The following SYTL4 variants were observed in gnomAD, a reference collection of about 807,000 sequenced individuals.
SYTL4 encodes the protein synaptotagmin like 4.
Under a neutral mutation model 52.7 loss-of-function variants are expected in SYTL4, and 16 were observed. The observed-to-expected ratio is 0.30, with a 90% CI of 0.21 to 0.46. The LOEUF (loss-of-function observed/expected upper bound fraction) is 0.46. SYTL4 is among the 20% of genes least tolerant of loss of function. The pLI is 1.00. For synonymous variants in SYTL4, 160 were observed against 186.6 expected (o/e 0.86, Z 1.16); for missense variants, 423 against 519.9 (o/e 0.81, Z 1.81).
intron 8 of SYTL4, among the ~76,000 whole-genome samples, chrX:100,699,655 ATTTTTT>A (rs917491538): frequency 7.0e-5 from 5 of 71,738 alleles, no homozygotes; most frequent in African/African-American, 1.1e-4. Flanking sequence ...CACCTGGCTA[ATTTTTT>A]TTTTTTTTTT....
In SYTL4 at chrX:100,717,528, G is replaced by A. The variant is rs186298678; in HGVS notation, c.-239-12642C>T. ...ATGCTGGTTGGTTTAAATTGTAAGG[G>A]AGAATGCGGAAGAGGCAGGTGGGGA... is the stretch of plus-strand genomic sequence containing the variant. On this transcript the variant is annotated intron_variant, in intron 2 of 19. Transcript: ENST00000372989. Among the ~76,000 whole-genome samples, 4 of 113,309 alleles carry A rather than the reference G, an allele frequency of 3.5e-5. No homozygotes were observed. In the East Asian group the frequency reaches 1.1e-3, roughly 31 times the overall value.
intron 2 of SYTL4, among the ~76,000 whole-genome samples, chrX:100,722,090 C>T (rs1022679368): frequency 1.8e-5 from 2 of 111,763 alleles, no homozygotes; most frequent in Non-Finnish European, 3.8e-5. Flanking sequence ...GTGTGAGCCA[C>T]CGCACCCAGC....
rs1795243211 is a variant in SYTL4 at position 100,690,184 on chromosome X, A to G, written c.718-19T>C. 1 of 1,125,668 alleles carries G rather than the reference A, an allele frequency of 8.9e-7. No homozygotes were observed. The highest frequency in any genetic ancestry group is 1.2e-6 in the Non-Finnish European group (1 of 818,155). 92.8% of individuals were successfully genotyped at this position (1,125,668 alleles called of 1,213,427 possible). A position where few individuals can be genotyped will look rare whatever the true frequency, so the allele number is the denominator to read the frequency against. On this transcript the variant is annotated intron_variant, in intron 10 of 19. Coordinates refer to ENST00000372989, the MANE Select transcript of SYTL4 (RefSeq NM_001370165.1). ...GAGTTTCCTAGGAAGGAACAAGGGC[A>G]AGAAAATGGAAAAGAACAGATGGAT...
intron 2 of SYTL4, among the ~76,000 whole-genome samples, chrX:100,728,994 G>A (rs1378949224): frequency 2.8e-5 from 3 of 108,558 alleles, no homozygotes; most frequent in Non-Finnish European, 3.8e-5. Flanking sequence ...CCAAGATCGC[G>A]CCACTGTACT....
At chrX:100,724,391 C>T (rs772648432) in intron 2 of SYTL4, among the ~76,000 whole-genome samples, 1 of 103,791 alleles carries the variant, frequency 9.6e-6, no homozygotes, top group Non-Finnish European at 2.0e-5. Flanking sequence ...TCATTGAGAA[C>T]GGGCCATGAT....
At chrX:100,694,521 C>T (rs1028817903) in intron 8 of SYTL4, among the ~76,000 whole-genome samples, 2 of 111,941 alleles carry the variant, frequency 1.8e-5, no homozygotes, top group Non-Finnish European at 3.8e-5. Context: ...CTTGCCCTGG[C>T]TATCCTAAAC....
intron 2 of SYTL4, among the ~76,000 whole-genome samples, chrX:100,723,843 C>T (rs1299382053): frequency 4.1e-4 from 45 of 109,745 alleles, no homozygotes; most frequent in African/African-American, 1.4e-3. Context: ...AGCGTCTCCG[C>T]CTGGCAGCCA....
At chrX:100,688,247 G>C (rs5921627) in intron 13 of SYTL4, 104 bp downstream of exon 13, 201,852 of 606,582 alleles carry the variant, frequency 0.33, 24,698 homozygotes, top group East Asian at 0.54. Flanking sequence ...CCTGAAAAGA[G>C]TGACTAGGAT....
In SYTL4 at chrX:100,679,314, C is replaced by T. The variant is rs752113372; in HGVS notation, c.1657G>A (p.Gly553Arg). 1.7e-6 allele frequency: 2 copies of T among 1,202,673 alleles called. No individual in the cohort carries two copies. The highest frequency in any genetic ancestry group is 2.2e-5 in the Admixed American group (1 of 45,703). Residue 553 changes from glycine (G) to arginine (R), a missense_variant and splice_region_variant, in exon 18 of 20, where the codon GGA (glycine) becomes AGA (arginine). Coordinates refer to ENST00000372989, the MANE Select transcript of SYTL4 (RefSeq NM_001370165.1). ...AGGTSDSFVK[G>R]YLLPMRNKAS... The stretch of plus-strand genomic sequence containing the variant: ...TTTGGGGCTGGTCTAGGGACTCACC[C>T]CTTGACAAAGCTGTCTGAAGTCCCT...
At position 100,674,996 on chromosome X, in the gene SYTL4, C is replaced by T. The variant is rs2083254269; in HGVS notation, c.*1032G>A. ...ACATTCCCTTAGAGCCCTTAACAGT[C>T]CCCAGCCTGGAGAAACACTGGGCCA... On this transcript the variant is annotated 3_prime_UTR_variant, in exon 20 of 20. Coordinates refer to ENST00000372989, the MANE Select transcript of SYTL4 (RefSeq NM_001370165.1). 1 of 112,017 alleles carries T rather than the reference C, an allele frequency of 8.9e-6. No homozygotes were observed. Among genetic ancestry groups the T allele is most frequent in the Non-Finnish European group, 1.9e-5 (1 of 53,263 alleles). 9.2% of individuals were successfully genotyped at this position (112,017 alleles called of 1,213,427 possible). A position where few individuals can be genotyped will look rare whatever the true frequency, so the allele number is the denominator to read the frequency against.
At chrX:100,689,804 C>A (rs1158246512) in intron 12 of SYTL4, 52 bp downstream of exon 12, 2 of 875,650 alleles carry the variant, frequency 2.3e-6, no homozygotes, top group East Asian at 3.1e-5. Context: ...AAAGCCAACT[C>A]CAGATAAGTA....
intron 12 of SYTL4, among the ~76,000 whole-genome samples, chrX:100,689,417 C>G (rs1412015933): frequency 9.5e-6 from 1 of 105,797 alleles, no homozygotes; most frequent in Non-Finnish European, 1.9e-5. Context: ...GCAGGTGGAT[C>G]ACCTGAGGTC....
At chrX:100,681,540 A>G (rs930069330) in intron 16 of SYTL4, among the ~76,000 whole-genome samples, 1 of 111,850 alleles carries the variant, frequency 8.9e-6, no homozygotes, top group African/African-American at 3.3e-5. Flanking sequence ...ATAGGGCAGA[A>G]CCAACAAAGA....
chrX:100,679,481 G>T, intron 17 of SYTL4, 69 bp from the exon 18 acceptor site: 1 of 895,124 alleles, frequency 1.1e-6, no homozygotes, highest in Non-Finnish European at 1.6e-6. Context: ...CTTTGTTTAT[G>T]CAGCACTTTC....
chrX:100,692,169 C>G (rs1364624037), intron 8 of SYTL4, among the ~76,000 whole-genome samples: 1 of 111,639 alleles, frequency 9.0e-6, no homozygotes, highest in African/African-American at 3.3e-5. Flanking sequence ...GCCATGCCCC[C>G]ACCCTAAGTC....
At chrX:100,729,597 C>T (rs2084597569) in intron 2 of SYTL4, among the ~76,000 whole-genome samples, 2 of 111,412 alleles carry the variant, frequency 1.8e-5, no homozygotes, top group South Asian at 7.7e-4. Context: ...CGGTTACTGG[C>T]ACAAATATTT....
intron 8 of SYTL4, among the ~76,000 whole-genome samples, chrX:100,698,381 G>GCA (rs2083760443): frequency 8.9e-6 from 1 of 112,021 alleles, no homozygotes; most frequent in Non-Finnish European, 1.9e-5. Flanking sequence ...GGGATTACAG[G>GCA]AGTGAGCCAC....
chrX:100,729,170 G>T (rs973381111), intron 2 of SYTL4, among the ~76,000 whole-genome samples: 1 of 111,436 alleles, frequency 9.0e-6, no homozygotes, highest in Admixed American at 9.5e-5. Context: ...CACCTGTAGG[G>T]CGACAAACTG....
At chrX:100,690,048 G>A (rs779981832) in intron 11 of SYTL4, 27 bp downstream of exon 11, 1 of 1,185,618 alleles carries the variant, frequency 8.4e-7, no homozygotes, top group South Asian at 1.8e-5. Context: ...CTTCAGTCCT[G>A]AAAGACCAGT....
Sources: gnomAD v4.1 joint callset for allele counts (sites outside exome capture counted in the v4.1 genomes callset) on GRCh38, gnomAD v4.1.1 for gene constraint, MANE v1.5 for transcripts, NCBI Gene and HGNC (gene_info 2026-07-23, HGNC 2026-07-21) for gene names.